GRK4: variants seen among roughly 807,000 people sequenced by gnomAD.
GRK4 encodes G protein-coupled receptor kinase 4.
GRK4 carries 73 observed loss-of-function variants against 77.9 expected under a neutral mutation model. The observed-to-expected ratio is 0.94, with a 90% CI of 0.78 to 1.14. GRK4 has a LOEUF of 1.14. Among genes scored for constraint, GRK4 ranks in the 50% most tolerant of loss-of-function variants. The pLI is 0.00. For missense variants in GRK4, 729 were observed against 700.2 expected, an observed-to-expected ratio of 1.04 and a Z score of -0.46; for synonymous variants, 257 against 254.4, an observed-to-expected ratio of 1.01 and a Z score of -0.10.
chr4:2,986,519 C>G (rs1365496557), intron 2 of GRK4, among the ~76,000 whole-genome samples: 1 of 151,678 alleles, frequency 6.6e-6, no homozygotes, highest in East Asian at 1.9e-4. Context: ...CCACGCCCGG[C>G]TAATTTTTGT....
chr4:2,972,346 CTT>C (rs1332585772), intron 1 of GRK4, among the ~76,000 whole-genome samples: 1 of 152,158 alleles, frequency 6.6e-6, no homozygotes, highest in African/African-American at 2.4e-5. Flanking sequence ...GCCTCCTTGT[CTT>C]TACGTAGTAT....
intron 3 of GRK4, among the ~76,000 whole-genome samples, chr4:2,990,480 C>T (rs1406589871): frequency 6.6e-6 from 1 of 152,098 alleles, no homozygotes; most frequent in Non-Finnish European, 1.5e-5. Context: ...TGGTCTCAGA[C>T]TCCTGACCTC....
chr4:3,017,875 A>C (rs1040765232), intron 8 of GRK4, among the ~76,000 whole-genome samples: 25 of 152,194 alleles, frequency 1.6e-4, no homozygotes, highest in African/African-American at 5.6e-4. Context: ...ATCATACTTA[A>C]TATGAAAATA....
intron 1 of GRK4, among the ~76,000 whole-genome samples, chr4:2,971,998 G>A (rs760516777): frequency 1.3e-5 from 2 of 152,192 alleles, no homozygotes; most frequent in Non-Finnish European, 2.9e-5. Context: ...TAAGATCACT[G>A]TCTGAGGGTT....
At chr4:3,004,130 T>C (rs756977058) in intron 4 of GRK4, 101 bp from the exon 5 acceptor site, 78 of 886,604 alleles carry the variant, frequency 8.8e-5, no homozygotes, top group Non-Finnish European at 1.4e-4. Context: ...TTTCATTTTA[T>C]ACACTTTGTG....
chr4:2,964,654 G>A lies in GRK4; in HGVS notation c.52+532G>A, dbSNP rs184528303. Among the ~76,000 whole-genome samples, 203 of 152,320 alleles carry A rather than the reference G, an allele frequency of 1.3e-3. 1 individual carries two copies. Among genetic ancestry groups the A allele is most frequent in the African/African-American group, 4.3e-3 (180 of 41,566 alleles). On this transcript the variant is annotated intron_variant, in intron 1 of 15. Coordinates refer to ENST00000398052, the MANE Select transcript of GRK4 (RefSeq NM_182982.3). ...TCTATGGTGTGTCAAGTGTGCTTTAGCACGACGTGGTCACAGATGGACAAG... is the reference window on the plus strand; with the variant it reads ...TCTATGGTGTGTCAAGTGTGCTTTAACACGACGTGGTCACAGATGGACAAG...
chr4:3,016,742 C>CA (rs903643486), intron 8 of GRK4, among the ~76,000 whole-genome samples: 4 of 150,860 alleles, frequency 2.7e-5, no homozygotes, highest in African/African-American at 9.8e-5. Flanking sequence ...AAAAACAAAA[C>CA]AAAAAAAACC....
At chr4:3,013,966 T>C in intron 8 of GRK4, 138 bp downstream of exon 8, 1 of 891,006 alleles carries the variant, frequency 1.1e-6, no homozygotes, top group Non-Finnish European at 1.6e-6. Flanking sequence ...GGGTTTGCTC[T>C]TTTTAGTAAC....
intron 7 of GRK4, 68 bp downstream of exon 7, chr4:3,009,779 G>A: frequency 8.6e-7 from 1 of 1,167,122 alleles, no homozygotes; most frequent in Non-Finnish European, 1.3e-6. Context: ...TGAGAACATG[G>A]CTTCAGGTAA....
At chr4:2,974,922 A>G (rs1720658843) in intron 1 of GRK4, among the ~76,000 whole-genome samples, 1 of 152,246 alleles carries the variant, frequency 6.6e-6, no homozygotes, top group Non-Finnish European at 1.5e-5. Flanking sequence ...GGCATAGGAC[A>G]GCTGGCTGTC....
chr4:2,973,723 G>T (rs558018735), intron 1 of GRK4, among the ~76,000 whole-genome samples: 2 of 152,260 alleles, frequency 1.3e-5, no homozygotes, highest in Admixed American at 6.5e-5. Context: ...GAACACCGTG[G>T]TCAGCTTCTG....
At chr4:2,982,631 G>T (rs554476414) in intron 1 of GRK4, among the ~76,000 whole-genome samples, 1 of 152,160 alleles carries the variant, frequency 6.6e-6, no homozygotes, top group African/African-American at 2.4e-5. Flanking sequence ...GCTCAGCTCT[G>T]TACTCCTTTA....
intron 3 of GRK4, among the ~76,000 whole-genome samples, chr4:2,990,215 C>G (rs1725694409): frequency 1.4e-5 from 2 of 144,858 alleles, no homozygotes; most frequent in South Asian, 4.4e-4. Context: ...GGCACTGTTG[C>G]TAGAATAAGG....
At chr4:2,968,884 G>T (rs1652088956) in intron 1 of GRK4, among the ~76,000 whole-genome samples, 1 of 152,144 alleles carries the variant, frequency 6.6e-6, no homozygotes, top group African/African-American at 2.4e-5. Flanking sequence ...TGAATTTCAT[G>T]ATTCTTATCC....
At chr4:2,976,135 A>T (rs1295105264) in intron 1 of GRK4, among the ~76,000 whole-genome samples, 1 of 152,160 alleles carries the variant, frequency 6.6e-6, no homozygotes, top group Non-Finnish European at 1.5e-5. Flanking sequence ...CTATAAAACC[A>T]AACTCCTCTG....
intron 4 of GRK4, among the ~76,000 whole-genome samples, chr4:2,993,428 C>A (rs572818027): frequency 1.3e-5 from 2 of 152,212 alleles, no homozygotes; most frequent in South Asian, 4.2e-4. Flanking sequence ...AACCCCAGCA[C>A]TTTGGGAGGC....
intron 7 of GRK4, among the ~76,000 whole-genome samples, chr4:3,011,080 T>A (rs1336128835): frequency 6.6e-6 from 1 of 152,240 alleles, no homozygotes; most frequent in African/African-American, 2.4e-5. Context: ...GAAAGTCATT[T>A]TCTTACTTGG....
rs1254670163 is a variant in GRK4 at position 3,013,876 on chromosome 4, A to T, written c.741+48A>T. 3.9e-6 allele frequency: 6 copies of T among 1,535,868 alleles called. No homozygotes were observed. In the African/African-American group the frequency reaches 7.0e-5, roughly 18 times the overall value. ...CACTGTGCATTGTTTGATTCATAGC[A>T]CTTTTGTCAGCCGACATGCCGCTCA... On this transcript the variant is annotated intron_variant, in intron 8 of 15. Coordinates refer to ENST00000398052, the MANE Select transcript of GRK4 (RefSeq NM_182982.3).
At chr4:3,002,419 C>T (rs1056853587) in intron 4 of GRK4, among the ~76,000 whole-genome samples, 4 of 151,998 alleles carry the variant, frequency 2.6e-5, no homozygotes, top group African/African-American at 9.7e-5. Flanking sequence ...GCCTGGGCAA[C>T]GTGGTGAAAC....
Sources: gnomAD v4.1 joint callset for allele counts (sites outside exome capture counted in the v4.1 genomes callset) on GRCh38, gnomAD v4.1.1 for gene constraint, MANE v1.5 for transcripts, NCBI Gene and HGNC (gene_info 2026-07-23, HGNC 2026-07-21) for gene names.